Variants in LRRC4C observed in about 807,000 individuals in gnomAD.
The protein encoded by LRRC4C is leucine rich repeat containing 4C.
A neutral mutation model predicts 33.6 loss-of-function variants in LRRC4C; 5 were observed. The ratio of observed to expected loss-of-function variants is 0.15; its 90% CI spans 0.08 to 0.31. The LOEUF is 0.31. Among genes scored for constraint, LRRC4C ranks in the 10% least tolerant of loss-of-function variants. The pLI, the probability that LRRC4C is intolerant of heterozygous loss-of-function variation, is 1.00. For synonymous variants in LRRC4C, 329 were observed against 302.0 expected, an observed-to-expected ratio of 1.09 and a Z score of -0.93; for missense variants, 560 against 796.7, an observed-to-expected ratio of 0.70 and a Z score of 3.58.
At chr11:41,274,264 A>C (rs1024789907) in intron 1 of LRRC4C, among the ~76,000 whole-genome samples, 1 of 152,130 alleles carries the variant, frequency 6.6e-6, no homozygotes, top group Admixed American at 6.6e-5. Flanking sequence ...GATGGTTCTG[A>C]ATAGTGGAGT....
intron 2 of LRRC4C, among the ~76,000 whole-genome samples, chr11:40,738,647 C>T (rs1278752648): frequency 5.3e-5 from 8 of 152,022 alleles, no homozygotes; most frequent in Admixed American, 5.2e-4. Context: ...CTTTAGCTCT[C>T]CCCAAAGTCT....
chr11:40,244,791 G>T (rs1198322178), intron 4 of LRRC4C, among the ~76,000 whole-genome samples: 1 of 151,996 alleles, frequency 6.6e-6, no homozygotes, highest in South Asian at 2.1e-4. Flanking sequence ...AAAAGAGAGA[G>T]CTCATTGAGA....
At position 40,134,102 on chromosome 11, in the gene LRRC4C, A is replaced by G. The variant is rs372397838; in HGVS notation, c.-43+6699T>C. ...CTAACAGAGCAGAAAGAGAGAAAAA[A>G]CGGAAAGAACCAGGCGTGGTGGCAC... On this transcript the variant is annotated intron_variant, in intron 6 of 6. Coordinates refer to ENST00000528697, the MANE Select transcript of LRRC4C (RefSeq NM_001258419.2). 5.1e-4 allele frequency among the ~76,000 whole-genome samples: 78 copies of G among 152,254 alleles called. 2 individuals carry two copies. In the South Asian group the frequency reaches 0.016, roughly 31 times the overall value.
At chr11:41,268,178 A>T (rs1052436833) in intron 1 of LRRC4C, among the ~76,000 whole-genome samples, 7 of 152,138 alleles carry the variant, frequency 4.6e-5, no homozygotes, top group Non-Finnish European at 8.8e-5. Flanking sequence ...TGAGGCCATT[A>T]TCTTACAGAG....
chr11:40,883,751 A>C (rs1955298343), intron 2 of LRRC4C, among the ~76,000 whole-genome samples: 1 of 152,066 alleles, frequency 6.6e-6, no homozygotes, highest in Non-Finnish European at 1.5e-5. Context: ...ATTATGCCAA[A>C]ACATGTTATA....
chr11:41,443,423 C>T lies in LRRC4C; in HGVS notation c.-496+16008G>A, dbSNP rs1046899917. Among the ~76,000 whole-genome samples, 3 of 152,000 alleles carry T rather than the reference C, an allele frequency of 2.0e-5. No individual in the cohort carries two copies. The South Asian group carries it at 6.2e-4, about 32-fold the overall frequency. On this transcript the variant is annotated intron_variant, in intron 1 of 6. Coordinates refer to ENST00000528697, the MANE Select transcript of LRRC4C (RefSeq NM_001258419.2). ...ACTTGGGGAGATGAGGCAGGAGGATCCCTTGAGCCTGGGAAGTTGTGGCTA... is the reference window on the plus strand; with the variant it reads ...ACTTGGGGAGATGAGGCAGGAGGATTCCTTGAGCCTGGGAAGTTGTGGCTA...
chr11:40,395,097 A>G (rs1949488638), intron 3 of LRRC4C, among the ~76,000 whole-genome samples: 1 of 152,170 alleles, frequency 6.6e-6, no homozygotes. Flanking sequence ...GAGTCAATTC[A>G]CACATATCTT....
chr11:41,266,469 T>C lies in LRRC4C; in HGVS notation c.-496+192962A>G, dbSNP rs564051168. Among the ~76,000 whole-genome samples the C allele has an allele frequency of 1.6e-4, 24 of 152,244 alleles. No individual in the cohort carries two copies. The South Asian group carries it at 1.9e-3, about 12-fold the overall frequency. ...TCCATTCTTATTCTTAGAATAAAAA[T>C]AATTTGTTCAAAAGAGAAAAAGGAA... On this transcript the variant is annotated intron_variant, in intron 1 of 6. Coordinates refer to ENST00000528697, the MANE Select transcript of LRRC4C (RefSeq NM_001258419.2).
chr11:40,389,175 A>G (rs1949236195), intron 3 of LRRC4C, among the ~76,000 whole-genome samples: 2 of 152,170 alleles, frequency 1.3e-5, no homozygotes, highest in South Asian at 4.1e-4. Context: ...GAATTTTGAA[A>G]GGAGATATAA....
chr11:40,441,418 G>T (rs1364738102), intron 3 of LRRC4C, among the ~76,000 whole-genome samples: 1 of 152,156 alleles, frequency 6.6e-6, no homozygotes, highest in African/African-American at 2.4e-5. Context: ...TGTTTAGTAC[G>T]ATTCGCTGTA....
At chr11:40,633,717 C>T (rs1025177463) in intron 3 of LRRC4C, among the ~76,000 whole-genome samples, 3 of 152,022 alleles carry the variant, frequency 2.0e-5, no homozygotes, top group Non-Finnish European at 1.5e-5. Flanking sequence ...GCTCCAGTTA[C>T]CTCAGCTACA....
At chr11:40,865,089 T>A (rs979306697) in intron 2 of LRRC4C, among the ~76,000 whole-genome samples, 12 of 152,150 alleles carry the variant, frequency 7.9e-5, no homozygotes, top group African/African-American at 2.7e-4. Context: ...GTTTTCCACA[T>A]GCTAATTTCA....
At chr11:40,544,656 C>G (rs79157617) in intron 3 of LRRC4C, among the ~76,000 whole-genome samples, 3,329 of 152,086 alleles carry the variant, frequency 0.022, 134 homozygotes, top group African/African-American at 0.076. Context: ...AAAGAATCAC[C>G]AAATAACACC....
intron 1 of LRRC4C, among the ~76,000 whole-genome samples, chr11:41,267,590 G>A (rs373751323): frequency 3.3e-5 from 5 of 152,074 alleles, no homozygotes; most frequent in East Asian, 1.9e-4. Flanking sequence ...ACAGCTCTAC[G>A]CTTAGAATCT....
At chr11:40,139,389 A>G (rs1857210029) in intron 6 of LRRC4C, among the ~76,000 whole-genome samples, 1 of 152,248 alleles carries the variant, frequency 6.6e-6, no homozygotes, top group Admixed American at 6.5e-5. Flanking sequence ...CAATACTATC[A>G]TCATACTGAT....
intron 2 of LRRC4C, among the ~76,000 whole-genome samples, chr11:40,890,320 G>T (rs939536371): frequency 6.6e-6 from 1 of 152,156 alleles, no homozygotes; most frequent in Non-Finnish European, 1.5e-5. Flanking sequence ...CTAGTGGAAG[G>T]TTGGGAAGAG....
intron 5 of LRRC4C, among the ~76,000 whole-genome samples, chr11:40,237,344 T>C (rs1865636226): frequency 6.6e-6 from 1 of 152,222 alleles, no homozygotes; most frequent in South Asian, 2.1e-4. Flanking sequence ...GCACTTTCAC[T>C]GCAGTTATCA....
At chr11:40,320,244 G>A (rs1037197587) in intron 3 of LRRC4C, among the ~76,000 whole-genome samples, 6 of 152,130 alleles carry the variant, frequency 3.9e-5, no homozygotes, top group Non-Finnish European at 8.8e-5. Flanking sequence ...GGTGGCTCAC[G>A]CCTGTAATCC....
chr11:40,608,975 A>G (rs1415948361), intron 3 of LRRC4C, among the ~76,000 whole-genome samples: 1 of 152,168 alleles, frequency 6.6e-6, no homozygotes, highest in Non-Finnish European at 1.5e-5. Context: ...ACACAATCAT[A>G]GTAGGAGACT....
Sources: gnomAD v4.1 joint callset for allele counts (sites outside exome capture counted in the v4.1 genomes callset) on GRCh38, gnomAD v4.1.1 for gene constraint, MANE v1.5 for transcripts, NCBI Gene and HGNC (gene_info 2026-07-23, HGNC 2026-07-21) for gene names.